The following ANKRD12 variants were observed in gnomAD, a reference collection of about 807,000 sequenced individuals.
ANKRD12 encodes the protein ankyrin repeat domain-containing protein 12.
A neutral mutation model predicts 183.4 loss-of-function variants in ANKRD12; 85 were observed. The ratio of observed to expected loss-of-function variants is 0.46; its 90% confidence interval spans 0.39 to 0.56. ANKRD12 has a LOEUF of 0.56. Ranked by LOEUF, ANKRD12 falls within the 20% of genes least tolerant of loss-of-function variation. The pLI is 0.00. For missense variants in ANKRD12, 2,405 were observed against 2,357.1 expected, an observed-to-expected ratio of 1.02 and a Z score of -0.42; for synonymous variants, 914 against 800.2, an observed-to-expected ratio of 1.14 and a Z score of -2.40.
At chr18:9,167,624 C>T (rs1387901315) in intron 1 of ANKRD12, among the ~76,000 whole-genome samples, 12 of 152,124 alleles carry the variant, frequency 7.9e-5, no homozygotes, top group Admixed American at 1.3e-4. Context: ...TGGGCTGAGA[C>T]GATGGGGTTT....
intron 1 of ANKRD12, among the ~76,000 whole-genome samples, chr18:9,166,290 C>T (rs947742712): frequency 2.6e-5 from 4 of 152,154 alleles, no homozygotes; most frequent in African/African-American, 4.8e-5. Context: ...CCTGAGGAAT[C>T]GCCACACTGA....
chr18:9,232,497 G>C (rs1406971932), intron 8 of ANKRD12, among the ~76,000 whole-genome samples: 1 of 152,136 alleles, frequency 6.6e-6, no homozygotes, highest in Non-Finnish European at 1.5e-5. Context: ...TGATGGTGGT[G>C]GGGGGAGGCC....
intron 9 of ANKRD12, among the ~76,000 whole-genome samples, chr18:9,261,179 G>C (rs1282501610): frequency 1.3e-5 from 2 of 152,150 alleles, no homozygotes; most frequent in African/African-American, 4.8e-5. Context: ...TGTTCACACA[G>C]AGCAGCAAGC....
At chr18:9,222,860 T>C (rs2036498803) in intron 8 of ANKRD12, among the ~76,000 whole-genome samples, 1 of 152,196 alleles carries the variant, frequency 6.6e-6, no homozygotes, top group South Asian at 2.1e-4. Context: ...ATTTTACTTG[T>C]TGAACAAAAA....
intron 10 of ANKRD12, among the ~76,000 whole-genome samples, chr18:9,271,340 A>G (rs1011306378): frequency 1.3e-5 from 2 of 152,084 alleles, no homozygotes; most frequent in East Asian, 3.9e-4. Flanking sequence ...CCTGGCTAAC[A>G]TGGTGAAACC....
chr18:9,185,932 ATTATAACT>A (rs1016454642), intron 2 of ANKRD12, among the ~76,000 whole-genome samples: 4 of 152,242 alleles, frequency 2.6e-5, no homozygotes, highest in Admixed American at 6.5e-5. Context: ...TGAAGAAAGC[ATTATAACT>A]TTTATTTCTG....
rs1159113215 is a variant in ANKRD12, at chr18:9,225,569, G to T, written c.943+3570G>T. ...TTTTCCCCCTACTCTGTCCTGAAAT[G>T]ATTTTGTAAACACTGTTCTCTTATT... On this transcript the variant is annotated intron_variant, in intron 8 of 12. Transcript: ENST00000262126. 4.0e-5 allele frequency among the ~76,000 whole-genome samples: 6 copies of T among 151,274 alleles called. No homozygotes were observed. In the East Asian group the frequency reaches 1.2e-3, roughly 29 times the overall value.
At chr18:9,253,802 T>G (rs570944959) in intron 8 of ANKRD12, among the ~76,000 whole-genome samples, 18 of 152,344 alleles carry the variant, frequency 1.2e-4, no homozygotes, top group African/African-American at 4.3e-4. Flanking sequence ...GAGAACAGTT[T>G]GGAGGTTCTC....
chr18:9,145,703 G>T (rs950184445), intron 1 of ANKRD12, among the ~76,000 whole-genome samples: 1 of 152,204 alleles, frequency 6.6e-6, no homozygotes, highest in African/African-American at 2.4e-5. Flanking sequence ...GGTAGCAGTT[G>T]AGAACAGCCA....
intron 9 of ANKRD12, among the ~76,000 whole-genome samples, chr18:9,262,135 A>G (rs147708399): frequency 6.6e-6 from 1 of 152,300 alleles, no homozygotes; most frequent in African/African-American, 2.4e-5. Context: ...TCAGTCTCTC[A>G]TAATGCTGAT....
At chr18:9,190,978 A>C (rs1250047385) in intron 2 of ANKRD12, among the ~76,000 whole-genome samples, 2 of 152,138 alleles carry the variant, frequency 1.3e-5, no homozygotes, top group African/African-American at 4.8e-5. Context: ...TTTTCTGTTT[A>C]TATATTTGCA....
chr18:9,246,514 G>A (rs1320087932), intron 8 of ANKRD12, among the ~76,000 whole-genome samples: 4 of 152,202 alleles, frequency 2.6e-5, no homozygotes, highest in Non-Finnish European at 5.9e-5. Flanking sequence ...GGTTTCCACT[G>A]CCCTTATTCT....
chr18:9,221,814 G>C, intron 7 of ANKRD12, 38 bp from the exon 8 acceptor site: 1 of 1,608,184 alleles, frequency 6.2e-7, no homozygotes, highest in Non-Finnish European at 8.5e-7. Flanking sequence ...ATAACAATCT[G>C]TGAAGGGACT....
intron 8 of ANKRD12, among the ~76,000 whole-genome samples, chr18:9,245,753 A>G (rs2037925614): frequency 6.6e-6 from 1 of 152,216 alleles, no homozygotes; most frequent in South Asian, 2.1e-4. Context: ...ACTTTGTTCT[A>G]GAGCCTAGAT....
rs947212135 is a variant in ANKRD12, at chr18:9,285,843, A to G, written c.*4717A>G. ...CAACATGATGTTTTGAAATTCATCC[A>G]TGTTGCACCTAACAGTAATGAGTCG... On this transcript the variant is annotated 3_prime_UTR_variant, in exon 13 of 13. Transcript: ENST00000262126. 2 of 152,134 alleles carry G rather than the reference A, an allele frequency of 1.3e-5. No individual in the cohort carries two copies. The highest frequency in any genetic ancestry group is 2.9e-5 in the Non-Finnish European group (2 of 68,018). The allele number at this position is 152,134 out of a possible 1,614,324, so 9.4% of individuals were successfully genotyped here.
At chr18:9,271,787 G>C (rs944693432) in intron 10 of ANKRD12, among the ~76,000 whole-genome samples, 1 of 152,156 alleles carries the variant, frequency 6.6e-6, no homozygotes, top group African/African-American at 2.4e-5. Context: ...ATTCTACTGT[G>C]GTTTGTAGAC....
chr18:9,159,971 A>G lies in ANKRD12; in HGVS notation c.-51-22411A>G, dbSNP rs141499994. Among the ~76,000 whole-genome samples, 31 of 151,312 alleles carry G rather than the reference A, an allele frequency of 2.0e-4. 1 individual carries two copies. The East Asian group carries it at 4.0e-3, about 20-fold the overall frequency. The stretch of plus-strand genomic sequence containing the variant: ...AGATGTCCACCACCACACGCAGCTC[A>G]TTTTAAAATATTTGTTACTCTTGCC... On this transcript the variant is annotated intron_variant, in intron 1 of 12. Transcript: ENST00000262126.
At chr18:9,195,446 A>G in intron 2 of ANKRD12, 105 bp from the exon 3 acceptor site, 1 of 732,036 alleles carries the variant, frequency 1.4e-6, no homozygotes, top group Non-Finnish European at 2.0e-6. Context: ...AGTGATAGGT[A>G]ATACTATCTC....
At chr18:9,207,424 G>C (rs970616931) in intron 4 of ANKRD12, among the ~76,000 whole-genome samples, 1 of 151,952 alleles carries the variant, frequency 6.6e-6, no homozygotes. Flanking sequence ...TGAAAGATTT[G>C]TGGACAGCAG....
Sources: gnomAD v4.1 joint callset for allele counts (sites outside exome capture counted in the v4.1 genomes callset) on GRCh38, gnomAD v4.1.1 for gene constraint, MANE v1.5 for transcripts, NCBI Gene and HGNC (gene_info 2026-07-23, HGNC 2026-07-21) for gene names.